Variants in PIK3CB observed in about 807,000 individuals in gnomAD.
PIK3CB encodes the protein phosphatidylinositol-4,5-bisphosphate 3-kinase catalytic subunit beta.
A neutral mutation model predicts 136.8 loss-of-function variants in PIK3CB; 39 were observed. That is an observed-to-expected ratio of 0.29 (90% CI 0.22 to 0.37). PIK3CB has a LOEUF of 0.37. Ranked by LOEUF, PIK3CB falls within the 10% of genes least tolerant of loss-of-function variation. The probability of loss-of-function intolerance (pLI) is 1.00; values close to 1 mark genes in which losing one functional copy is unlikely to be tolerated. For synonymous variants in PIK3CB, 428 were observed against 436.6 expected (o/e 0.98, Z 0.25); for missense variants, 868 against 1,275.4 (o/e 0.68, Z 4.87).
chr3:138,807,752 T>G (rs28408150), intron 1 of PIK3CB, among the ~76,000 whole-genome samples: 77,626 of 151,896 alleles, frequency 0.51, 22,361 homozygotes, highest in African/African-American at 0.75. Context: ...AAATTAACCA[T>G]ACATGGTGGT....
At chr3:138,709,383 T>C (rs1461976577) in intron 10 of PIK3CB, among the ~76,000 whole-genome samples, 3 of 151,998 alleles carry the variant, frequency 2.0e-5, no homozygotes, top group Non-Finnish European at 4.4e-5. Flanking sequence ...TGTAGATATG[T>C]AGATATGGTG....
At position 138,666,344 on chromosome 3, in the gene PIK3CB, T is replaced by A. The variant is rs530016372; in HGVS notation, c.2505-1141A>T. Among the ~76,000 whole-genome samples, 11 of 152,242 alleles carry A rather than the reference T, an allele frequency of 7.2e-5. No individual in the cohort carries two copies. In the East Asian group the frequency reaches 7.7e-4, roughly 11 times the overall value. On this transcript the variant is annotated intron_variant, in intron 19 of 23. Transcript: ENST00000674063. ...TGCCACTACGCCTGGCTAGTTTTTT[T>A]ATTTTTTTGTTTTTTGTAGAGATGA...
chr3:138,761,817 G>A (rs1307125405), intron 2 of PIK3CB, among the ~76,000 whole-genome samples: 1 of 151,996 alleles, frequency 6.6e-6, no homozygotes, highest in Non-Finnish European at 1.5e-5. Flanking sequence ...GCGTGTGTCT[G>A]TAGTCCCAGC....
At chr3:138,718,184 G>T (rs1349906440) in intron 8 of PIK3CB, among the ~76,000 whole-genome samples, 1 of 152,134 alleles carries the variant, frequency 6.6e-6, no homozygotes, top group Non-Finnish European at 1.5e-5. Context: ...AACCTCACCA[G>T]CATCTCTTAT....
At chr3:138,711,917 C>T (rs1337974670) in intron 10 of PIK3CB, among the ~76,000 whole-genome samples, 5 of 151,542 alleles carry the variant, frequency 3.3e-5, no homozygotes, top group African/African-American at 1.2e-4. Context: ...TGAGACCAGC[C>T]TTGGCAGTAT....
chr3:138,656,394 C>G lies in PIK3CB; in HGVS notation c.2943-120G>C. The G allele has an allele frequency of 4.7e-6, 5 of 1,054,486 alleles. No homozygotes were observed. The South Asian group carries it at 7.5e-5, about 16-fold the overall frequency. 65.3% of individuals were successfully genotyped at this position (1,054,486 alleles called of 1,614,324 possible). ...TTAGAATAAGAAAATTCCTACTGAACTAAAGGTTCATTTCTGATTTTTACT... is the reference window on the plus strand; with the variant it reads ...TTAGAATAAGAAAATTCCTACTGAAGTAAAGGTTCATTTCTGATTTTTACT... On this transcript the variant is annotated intron_variant, in intron 22 of 23. Transcript: ENST00000674063.
intron 8 of PIK3CB, among the ~76,000 whole-genome samples, chr3:138,720,604 C>T (rs145728001): frequency 6.6e-6 from 1 of 152,242 alleles, no homozygotes; most frequent in African/African-American, 2.4e-5. Context: ...AGGTGGCTTA[C>T]ACCTGTAATC....
intron 4 of PIK3CB, among the ~76,000 whole-genome samples, chr3:138,749,585 A>G (rs2045427341): frequency 1.3e-5 from 2 of 152,090 alleles, no homozygotes; most frequent in South Asian, 4.2e-4. Context: ...CTGCCTCTCT[A>G]GTCTTTCCTA....
At chr3:138,761,590 T>G (rs1256790360) in intron 2 of PIK3CB, among the ~76,000 whole-genome samples, 1 of 151,930 alleles carries the variant, frequency 6.6e-6, no homozygotes, top group Non-Finnish European at 1.5e-5. Flanking sequence ...GCCAATATGG[T>G]GAAACCCCAT....
intron 8 of PIK3CB, among the ~76,000 whole-genome samples, chr3:138,732,706 A>AAAAGG (rs2045010173): frequency 2.3e-5 from 3 of 132,468 alleles, no homozygotes; most frequent in Non-Finnish European, 4.8e-5. Context: ...TGCTCAGTTT[A>AAAAGG]AAAGGAAAGA....
chr3:138,688,738 G>A (rs1207665441), intron 16 of PIK3CB, 137 bp downstream of exon 16: 6 of 565,394 alleles, frequency 1.1e-5, no homozygotes, highest in African/African-American at 1.9e-5. Context: ...ATAATGTGGT[G>A]GGAGAAATGG....
chr3:138,688,818 G>A, intron 16 of PIK3CB, 57 bp downstream of exon 16: 2 of 1,021,010 alleles, frequency 2.0e-6, no homozygotes, highest in East Asian at 5.0e-5. Flanking sequence ...TGATATTCAT[G>A]CTTTAAACGT....
chr3:138,755,905 A>C lies in PIK3CB; in HGVS notation c.246T>G (p.Cys82Trp). 6.2e-7 allele frequency: 1 copy of C among 1,612,600 alleles called. No individual in the cohort carries two copies. Among genetic ancestry groups the C allele is most frequent in the Non-Finnish European group, 8.5e-7 (1 of 1,178,788 alleles). ...LMDIDSYMFA[C>W]VNQTAVYEEL... ...CCTCATATACAGCAGTCTGATTCAC[A>C]CATGCAAACATATAGGAGTCAATAT... is the stretch of plus-strand genomic sequence containing the variant. The change falls in exon 4 of 24, where the codon TGT becomes TGG. Residue 82 changes from cysteine to tryptophan, a missense_variant. Physicochemically the swap from Cys to Trp is radical, Grantham distance 215 (BLOSUM62 -2). Transcript: ENST00000674063.
intron 1 of PIK3CB, among the ~76,000 whole-genome samples, chr3:138,822,063 A>T (rs990729256): frequency 2.2e-4 from 33 of 152,150 alleles, no homozygotes; most frequent in Admixed American, 1.8e-3. Context: ...GCTTGAGCTC[A>T]GGAGGTCCAC....
Position 138,825,191 on chromosome 3 carries a change from C to T in PIK3CB, c.-122+9504G>A, listed in dbSNP as rs1311449108. On this transcript the variant is annotated intron_variant, in intron 1 of 23. Coordinates refer to ENST00000674063, the MANE Select transcript of PIK3CB (RefSeq NM_006219.3). ...GTATCTCCCTATGAAAATATGAGAACAGCAAGTATTACGTGACCATCACTG... is the reference window on the plus strand; with the variant it reads ...GTATCTCCCTATGAAAATATGAGAATAGCAAGTATTACGTGACCATCACTG... 12 of 302,566 alleles carry T rather than the reference C, an allele frequency of 4.0e-5. No homozygotes were observed. In the Admixed American group the frequency reaches 4.3e-4, roughly 11 times the overall value. The allele number at this position is 302,566 out of a possible 1,614,324, so 18.7% of individuals were successfully genotyped here.
At chr3:138,765,781 G>A (rs1246005209) in intron 2 of PIK3CB, among the ~76,000 whole-genome samples, 1 of 152,078 alleles carries the variant, frequency 6.6e-6, no homozygotes, top group Non-Finnish European at 1.5e-5. Context: ...CTGAGCCCAG[G>A]AGGTTGAGGC....
chr3:138,698,105 TA>T (rs2044175864), intron 13 of PIK3CB, among the ~76,000 whole-genome samples: 1 of 152,226 alleles, frequency 6.6e-6, no homozygotes, highest in Non-Finnish European at 1.5e-5. Flanking sequence ...AGTGAAACAA[TA>T]AATCCAAAGA....
chr3:138,741,715 C>A (rs2108667358), intron 5 of PIK3CB, among the ~76,000 whole-genome samples: 1 of 152,142 alleles, frequency 6.6e-6, no homozygotes, highest in African/African-American at 2.4e-5. Flanking sequence ...GTAATTCCAG[C>A]TACTCAGGAA....
Position 138,748,156 on chromosome 3 carries a change from T to TACACACAC in PIK3CB, c.398-5383_398-5376dup, listed in dbSNP as rs3071146. On this transcript the variant is annotated intron_variant, in intron 4 of 23. Coordinates refer to ENST00000674063, the MANE Select transcript of PIK3CB (RefSeq NM_006219.3). ...ATTTTGCAATATTTATTAGAAATCA[T>TACACACAC]ACACACACACACACACACACACACA... 4.7e-3 allele frequency among the ~76,000 whole-genome samples: 674 copies of TACACACAC among 142,972 alleles called. 1 individual carries two copies. The highest frequency in any genetic ancestry group is 7.9e-3 in the Non-Finnish European group (514 of 65,278). 93.8% of individuals were successfully genotyped at this position (142,972 alleles called of 152,430 possible). A position where few individuals can be genotyped will look rare whatever the true frequency, so the allele number is the denominator to read the frequency against.
Sources: gnomAD v4.1 joint callset for allele counts (sites outside exome capture counted in the v4.1 genomes callset) on GRCh38, gnomAD v4.1.1 for gene constraint, MANE v1.5 for transcripts, NCBI Gene and HGNC (gene_info 2026-07-23, HGNC 2026-07-21) for gene names.